RARB: variants seen among roughly 807,000 people sequenced by gnomAD.
RARB encodes the protein retinoic acid receptor beta.
Under a neutral mutation model 51.9 loss-of-function variants are expected in RARB, and 17 were observed. The observed-to-expected ratio is 0.33, with a 90% CI of 0.22 to 0.49. The LOEUF is 0.49. RARB is among the 20% of genes least tolerant of loss of function. RARB has a pLI of 0.99. For synonymous variants in RARB, 215 were observed against 195.4 expected (o/e 1.10, Z -0.84); for missense variants, 369 against 550.8 (o/e 0.67, Z 3.30).
chr3:25,210,067 T>C (rs959627567), intron 5 of RARB, among the ~76,000 whole-genome samples: 2 of 152,210 alleles, frequency 1.3e-5, no homozygotes, highest in South Asian at 2.1e-4. Context: ...CCTGAGCTGG[T>C]TCTATTTTCT....
intron 1 of RARB, among the ~76,000 whole-genome samples, chr3:25,452,436 T>G (rs1388497181): frequency 6.6e-6 from 1 of 151,980 alleles, no homozygotes; most frequent in African/African-American, 2.4e-5. Context: ...GAGTGATTAG[T>G]GGGTCCTGAG....
intron 4 of RARB, among the ~76,000 whole-genome samples, chr3:25,135,037 C>T (rs569480140): frequency 2.7e-5 from 4 of 149,248 alleles, no homozygotes; most frequent in East Asian, 1.9e-4. Context: ...TAGGTCCCAT[C>T]ATTTCTTTCC....
intron 4 of RARB, among the ~76,000 whole-genome samples, chr3:25,169,323 A>G (rs1272818247): frequency 6.6e-6 from 1 of 152,238 alleles, no homozygotes; most frequent in Non-Finnish European, 1.5e-5. Flanking sequence ...GTGGCTAGGA[A>G]AGAAGCCAAT....
chr3:25,584,049 G>A (rs865939064), intron 5 of RARB, among the ~76,000 whole-genome samples: 3 of 152,006 alleles, frequency 2.0e-5, no homozygotes, highest in Admixed American at 6.6e-5. Flanking sequence ...TCCTCTGCAC[G>A]TAATTAGGAT....
chr3:25,484,637 G>A (rs1230866349), intron 2 of RARB, among the ~76,000 whole-genome samples: 1 of 151,624 alleles, frequency 6.6e-6, no homozygotes, highest in Non-Finnish European at 1.5e-5. Context: ...TGTTTATAAA[G>A]TTTTCTTGGT....
chr3:25,240,073 G>A (rs1413991434), intron 5 of RARB, among the ~76,000 whole-genome samples: 13 of 149,296 alleles, frequency 8.7e-5, no homozygotes, highest in African/African-American at 2.2e-4. Flanking sequence ...GCTGTTTTGG[G>A]TTTGTTTGTT....
At chr3:25,383,959 A>C in intron 5 of RARB, among the ~76,000 whole-genome samples, 1 of 152,290 alleles carries the variant, frequency 6.6e-6, no homozygotes, top group South Asian at 2.1e-4. Context: ...TTTAATTTTA[A>C]ATTTGAATAG....
At chr3:25,117,647 T>C (rs2125327828) in intron 3 of RARB, among the ~76,000 whole-genome samples, 1 of 152,240 alleles carries the variant, frequency 6.6e-6, no homozygotes, top group South Asian at 2.1e-4. Context: ...GCTGGTGGCC[T>C]GAGCTTAGGG....
At chr3:25,559,206 T>TA (rs1255979504) in intron 3 of RARB, among the ~76,000 whole-genome samples, 1 of 152,212 alleles carries the variant, frequency 6.6e-6, no homozygotes, top group Non-Finnish European at 1.5e-5. Flanking sequence ...CTAGCCTCTC[T>TA]AAGCCCCATT....
intron 5 of RARB, among the ~76,000 whole-genome samples, chr3:25,296,675 G>A (rs1271927782): frequency 1.3e-5 from 2 of 152,134 alleles, no homozygotes; most frequent in African/African-American, 4.8e-5. Context: ...AACTGGGAGG[G>A]TCAACTTATT....
At chr3:25,565,167 C>T (rs1047660105) in intron 3 of RARB, among the ~76,000 whole-genome samples, 1 of 152,174 alleles carries the variant, frequency 6.6e-6, no homozygotes, top group South Asian at 2.1e-4. Context: ...TCAGACGCAG[C>T]GGAGCACAGT....
intron 1 of RARB, among the ~76,000 whole-genome samples, chr3:24,853,281 C>T (rs1702586174): frequency 6.6e-6 from 1 of 152,094 alleles, no homozygotes; most frequent in Admixed American, 6.5e-5. Flanking sequence ...CGCGCCACTG[C>T]ACTCCAGCCT....
At chr3:25,492,899 G>A (rs1238058050) in intron 2 of RARB, among the ~76,000 whole-genome samples, 1 of 151,886 alleles carries the variant, frequency 6.6e-6, no homozygotes, top group Non-Finnish European at 1.5e-5. Context: ...AGGTGCTATA[G>A]ACTAACAGAT....
At chr3:25,214,149 T>G (rs1256952006) in intron 5 of RARB, among the ~76,000 whole-genome samples, 4 of 152,262 alleles carry the variant, frequency 2.6e-5, no homozygotes, top group African/African-American at 9.6e-5. Context: ...AAAAGCAGCA[T>G]TTTGAAAGTT....
At chr3:25,443,137 C>T (rs1032778789) in intron 1 of RARB, among the ~76,000 whole-genome samples, 3 of 152,070 alleles carry the variant, frequency 2.0e-5, no homozygotes, top group East Asian at 1.9e-4. Context: ...TCAGTGAAAA[C>T]GAAATTGAGA....
chr3:25,178,757 T>C (rs1392645922), intron 5 of RARB, among the ~76,000 whole-genome samples: 1 of 152,162 alleles, frequency 6.6e-6, no homozygotes, highest in Non-Finnish European at 1.5e-5. Context: ...AGTGCCGCCG[T>C]ACTGCCTTTG....
intron 2 of RARB, among the ~76,000 whole-genome samples, chr3:25,487,319 C>T (rs571166559): frequency 2.6e-5 from 4 of 152,266 alleles, no homozygotes; most frequent in Non-Finnish European, 4.4e-5. Context: ...CCTCAGCGTG[C>T]GATGTGGTTT....
chr3:25,481,905 T>C (rs900884615), intron 2 of RARB, among the ~76,000 whole-genome samples: 2 of 152,156 alleles, frequency 1.3e-5, no homozygotes, highest in Non-Finnish European at 2.9e-5. Flanking sequence ...AAATTTAATA[T>C]TCATAACAAT....
At chr3:25,549,223 G>C (rs1427279368) in intron 3 of RARB, among the ~76,000 whole-genome samples, 1 of 152,088 alleles carries the variant, frequency 6.6e-6, no homozygotes, top group Admixed American at 6.6e-5. Flanking sequence ...GAAGGCTGAA[G>C]AGGTAGCAGG....
Sources: gnomAD v4.1 joint callset for allele counts (sites outside exome capture counted in the v4.1 genomes callset) on GRCh38, gnomAD v4.1.1 for gene constraint, MANE v1.5 for transcripts, NCBI Gene and HGNC (gene_info 2026-07-23, HGNC 2026-07-21) for gene names.